The following LIN54 variants were observed in gnomAD, a reference collection of about 807,000 sequenced individuals.
The protein encoded by LIN54 is protein lin-54 homolog.
Under a neutral mutation model 78.7 loss-of-function variants are expected in LIN54, and 9 were observed. That is an observed-to-expected ratio of 0.11 (90% CI 0.07 to 0.20). The LOEUF is 0.20. LIN54 is among the 10% of genes least tolerant of loss of function. The pLI is 1.00. For synonymous variants in LIN54, 269 were observed against 318.4 expected (o/e 0.84, Z 1.65); for missense variants, 573 against 889.9 (o/e 0.64, Z 4.53).
intron 1 of LIN54, among the ~76,000 whole-genome samples, chr4:82,989,531 G>A (rs1727482399): frequency 2.0e-5 from 3 of 152,148 alleles, no homozygotes; most frequent in African/African-American, 7.2e-5. Context: ...AACGAATGAT[G>A]ATTTAGTTCC....
chr4:82,977,658 T>G (rs541959270), intron 3 of LIN54, among the ~76,000 whole-genome samples: 1 of 152,278 alleles, frequency 6.6e-6, no homozygotes, highest in Admixed American at 6.5e-5. Flanking sequence ...AGACAGATGG[T>G]TTTAATATAC....
At chr4:82,968,167 C>T (rs895851087) in intron 4 of LIN54, among the ~76,000 whole-genome samples, 1 of 152,086 alleles carries the variant, frequency 6.6e-6, no homozygotes, top group Non-Finnish European at 1.5e-5. Context: ...CTCAGCCTCC[C>T]GAGTAGCTGG....
intron 12 of LIN54, among the ~76,000 whole-genome samples, chr4:82,929,476 T>C (rs1484276084): frequency 6.6e-6 from 1 of 152,148 alleles, no homozygotes; most frequent in Admixed American, 6.5e-5. Context: ...CAAAAACCAT[T>C]TGCTGTTTAT....
chr4:82,937,751 C>T (rs1398692253), intron 8 of LIN54, among the ~76,000 whole-genome samples: 1 of 152,120 alleles, frequency 6.6e-6, no homozygotes, highest in East Asian at 1.9e-4. Context: ...GGTAATTAAG[C>T]ACGGCTTCTA....
intron 2 of LIN54, 146 bp from the exon 3 acceptor site, chr4:82,979,152 T>C: frequency 2.1e-6 from 1 of 476,526 alleles, no homozygotes; most frequent in Non-Finnish European, 3.7e-6. Context: ...TAAGAACATT[T>C]AAAATGCAGA....
At chr4:82,951,532 A>G (rs573987205) in intron 4 of LIN54, among the ~76,000 whole-genome samples, 1 of 152,294 alleles carries the variant, frequency 6.6e-6, no homozygotes, top group East Asian at 1.9e-4. Flanking sequence ...CAGGGAAAAT[A>G]AAATAGTATG....
At position 82,969,391 on chromosome 4, in the gene LIN54, T is replaced by A. The variant is rs542612940; in HGVS notation, c.951+936A>T. On this transcript the variant is annotated intron_variant, in intron 4 of 12. Coordinates refer to ENST00000340417, the MANE Select transcript of LIN54 (RefSeq NM_194282.4). ...CTTGAAATGAAATACCTTATCTTAT[T>A]CATGTTTTATCCTCAGTGCCTATCA... Among the ~76,000 whole-genome samples, 7 of 152,338 alleles carry A rather than the reference T, an allele frequency of 4.6e-5. 1 individual carries two copies. Among genetic ancestry groups the A allele is most frequent in the African/African-American group, 1.7e-4 (7 of 41,570 alleles).
At chr4:83,011,565 TG>T (rs1206051196), upstream of LIN54, among the ~76,000 whole-genome samples, 23 of 150,074 alleles carry the variant, frequency 1.5e-4, no homozygotes, top group Non-Finnish European at 2.2e-4. Flanking sequence ...ATTTGCCAAA[TG>T]TTTTTTTAGG....
intron 1 of LIN54, among the ~76,000 whole-genome samples, chr4:82,989,578 T>A (rs1727486417): frequency 6.6e-6 from 1 of 152,154 alleles, no homozygotes; most frequent in Non-Finnish European, 1.5e-5. Context: ...GACTCCTTCC[T>A]CTCCCTGAAG....
At chr4:82,956,693 C>A (rs1276304501) in intron 4 of LIN54, among the ~76,000 whole-genome samples, 1 of 152,110 alleles carries the variant, frequency 6.6e-6, no homozygotes, top group Non-Finnish European at 1.5e-5. Context: ...TAAAACAAAA[C>A]CAATCTATAT....
At chr4:82,932,658 A>T (rs1376234189) in intron 11 of LIN54, among the ~76,000 whole-genome samples, 2 of 136,082 alleles carry the variant, frequency 1.5e-5, no homozygotes, top group African/African-American at 2.7e-5. Context: ...ATCTCTCTTT[A>T]AAAAAAAAAA....
At chr4:82,944,196 C>A (rs1723171075) in intron 5 of LIN54, among the ~76,000 whole-genome samples, 1 of 152,066 alleles carries the variant, frequency 6.6e-6, no homozygotes, top group Non-Finnish European at 1.5e-5. Context: ...AATGTCCATC[C>A]CATTCCTCCA....
chr4:83,010,548 A>C lies in LIN54; in HGVS notation c.-97T>G. ...GTAGGGGCTCCAGAAGGTCCTGGGCAATCCCGAGCCCCGGCGGGGCTTGTT... is the reference window on the plus strand; with the variant it reads ...GTAGGGGCTCCAGAAGGTCCTGGGCCATCCCGAGCCCCGGCGGGGCTTGTT... On this transcript the variant is annotated 5_prime_UTR_variant, in exon 1 of 13. It adds an upstream start codon to the 5' untranslated region. Transcript: ENST00000340417. The C allele has an allele frequency of 8.3e-7, 1 of 1,203,820 alleles. No individual in the cohort carries two copies. Among genetic ancestry groups the C allele is most frequent in the Non-Finnish European group, 1.0e-6 (1 of 970,520 alleles). 74.6% of individuals were successfully genotyped at this position (1,203,820 alleles called of 1,614,324 possible). A position where few individuals can be genotyped will look rare whatever the true frequency, so the allele number is the denominator to read the frequency against.
At chr4:82,935,177 TTGAG>T (rs1722295737) in intron 11 of LIN54, among the ~76,000 whole-genome samples, 1 of 151,752 alleles carries the variant, frequency 6.6e-6, no homozygotes, top group South Asian at 2.1e-4. Context: ...AGTGTGCTCT[TTGAG>T]TGGGCATAAC....
intron 1 of LIN54, among the ~76,000 whole-genome samples, chr4:83,004,161 G>A (rs558928990): frequency 2.0e-5 from 3 of 152,098 alleles, no homozygotes; most frequent in Admixed American, 2.0e-4. Flanking sequence ...ATTTTCAGAG[G>A]CTGAGGTGGA....
intron 1 of LIN54, among the ~76,000 whole-genome samples, chr4:83,009,169 C>T (rs1219689155): frequency 1.3e-5 from 2 of 152,078 alleles, no homozygotes; most frequent in Admixed American, 6.6e-5. Flanking sequence ...AAAGCCAGAC[C>T]TACAAACTAT....
intron 1 of LIN54, among the ~76,000 whole-genome samples, chr4:83,007,263 G>C (rs1729478713): frequency 6.6e-6 from 1 of 151,996 alleles, no homozygotes; most frequent in Non-Finnish European, 1.5e-5. Flanking sequence ...TGTACCAAGG[G>C]ATAGGCATTG....
At chr4:83,007,950 T>C (rs1027764170) in intron 1 of LIN54, among the ~76,000 whole-genome samples, 3 of 152,142 alleles carry the variant, frequency 2.0e-5, no homozygotes, top group Non-Finnish European at 4.4e-5. Flanking sequence ...GACATCTCTC[T>C]TTCCATAGAA....
intron 1 of LIN54, among the ~76,000 whole-genome samples, chr4:82,988,295 T>G (rs1219044078): frequency 1.3e-5 from 2 of 152,238 alleles, no homozygotes; most frequent in Non-Finnish European, 2.9e-5. Context: ...TCATATGGTA[T>G]GAGTTTTTTC....
Sources: gnomAD v4.1 joint callset for allele counts (sites outside exome capture counted in the v4.1 genomes callset) on GRCh38, gnomAD v4.1.1 for gene constraint, MANE v1.5 for transcripts, NCBI Gene and HGNC (gene_info 2026-07-23, HGNC 2026-07-21) for gene names.